Variants in PPP1R17 observed in about 807,000 individuals in gnomAD.
PPP1R17 encodes G-substrate.
PPP1R17 carries 12 observed loss-of-function variants against 15.9 expected under a neutral mutation model. That is an observed-to-expected ratio of 0.75 (90% CI 0.48 to 1.22). The LOEUF is 1.22. PPP1R17 is among the 50% of genes most tolerant of loss of function. The pLI, the probability that PPP1R17 is intolerant of heterozygous loss-of-function variation, is 0.00. For synonymous variants in PPP1R17, 63 were observed against 64.5 expected, an observed-to-expected ratio of 0.98 and a Z score of 0.11; for missense variants, 211 against 187.3, an observed-to-expected ratio of 1.13 and a Z score of -0.74.
chr7:31,699,316 G>A (rs1792744324), intron 4 of PPP1R17, among the ~76,000 whole-genome samples: 1 of 152,152 alleles, frequency 6.6e-6, no homozygotes, highest in South Asian at 2.1e-4. Flanking sequence ...GGGACATGAA[G>A]GGTAATGCTG....
intron 2 of PPP1R17, among the ~76,000 whole-genome samples, chr7:31,695,252 T>C (rs989470694): frequency 3.9e-5 from 6 of 152,192 alleles, no homozygotes; most frequent in Non-Finnish European, 8.8e-5. Context: ...TTCCTTAATT[T>C]GGAGTTTTAC....
chr7:31,690,515 C>A lies in PPP1R17; in HGVS notation c.-36-1891C>A, dbSNP rs776523667. Among the ~76,000 whole-genome samples the A allele has an allele frequency of 7.8e-4, 119 of 152,160 alleles. 1 individual carries two copies. Among genetic ancestry groups the A allele is most frequent in the Non-Finnish European group, 5.4e-4 (37 of 68,028 alleles). On this transcript the variant is annotated intron_variant, in intron 1 of 4. Transcript: ENST00000342032. ...GTGTGGAGAGGGGGCAAAAATGATTCTATTACATTGGGCCCCATTTACTCT... is the reference window on the plus strand; with the variant it reads ...GTGTGGAGAGGGGGCAAAAATGATTATATTACATTGGGCCCCATTTACTCT...
intron 4 of PPP1R17, among the ~76,000 whole-genome samples, chr7:31,704,025 A>G (rs1792964826): frequency 6.6e-6 from 1 of 152,234 alleles, no homozygotes; most frequent in Non-Finnish European, 1.5e-5. Flanking sequence ...CTTAAGAGTG[A>G]AAAGAAGTCT....
chr7:31,693,312 C>T (rs1028378841), intron 2 of PPP1R17, among the ~76,000 whole-genome samples: 4 of 152,186 alleles, frequency 2.6e-5, no homozygotes, highest in Non-Finnish European at 4.4e-5. Flanking sequence ...AAGAGACCCA[C>T]AGCAGGCAGT....
intron 3 of PPP1R17, chr7:31,696,209 G>C: frequency 6.6e-6 from 1 of 152,202 alleles, no homozygotes. Context: ...GTTTTGCCTT[G>C]TTTTGCTTTC....
chr7:31,693,743 C>T (rs1188178436), intron 2 of PPP1R17, among the ~76,000 whole-genome samples: 1 of 152,216 alleles, frequency 6.6e-6, no homozygotes, highest in Non-Finnish European at 1.5e-5. Context: ...TAATCCTCAA[C>T]ATTTTAAGGA....
intron 4 of PPP1R17, among the ~76,000 whole-genome samples, chr7:31,706,540 C>T (rs529080896): frequency 6.6e-6 from 1 of 152,272 alleles, no homozygotes; most frequent in South Asian, 2.1e-4. Context: ...TCTCATTTTG[C>T]TCTGAACCAT....
intron 3 of PPP1R17, among the ~76,000 whole-genome samples, chr7:31,696,249 A>G (rs771284148): frequency 2.0e-5 from 3 of 152,114 alleles, no homozygotes; most frequent in African/African-American, 4.8e-5. Flanking sequence ...TCACTAATTT[A>G]CTGTCATCTC....
At chr7:31,701,802 T>A (rs1466703066) in intron 4 of PPP1R17, among the ~76,000 whole-genome samples, 1 of 152,242 alleles carries the variant, frequency 6.6e-6, no homozygotes, top group African/African-American at 2.4e-5. Context: ...CATTAGCAAT[T>A]TTTAGCAATA....
chr7:31,689,910 C>A (rs1460353359), intron 1 of PPP1R17, among the ~76,000 whole-genome samples: 2 of 152,330 alleles, frequency 1.3e-5, no homozygotes, highest in East Asian at 1.9e-4. Flanking sequence ...AACAGTCTTG[C>A]TGGTTCACCA....
chr7:31,690,089 C>T (rs1350460948), intron 1 of PPP1R17, among the ~76,000 whole-genome samples: 2 of 152,194 alleles, frequency 1.3e-5, no homozygotes, highest in Non-Finnish European at 2.9e-5. Flanking sequence ...CGGCCAGAGA[C>T]AGGCTTTCTT....
intron 3 of PPP1R17, chr7:31,695,904 G>A (rs79953212): frequency 0.011 from 2,492 of 236,998 alleles, 77 homozygotes; most frequent in African/African-American, 0.052. Flanking sequence ...TCAGGGACCC[G>A]GTCTCATGTG....
In PPP1R17 at chr7:31,707,971, A is replaced by G. The variant is rs905166958; in HGVS notation, c.*688A>G. ...TTCAAATTTATTTTTGTTTTTAAAA[A>G]TATTTCTTAAACATGCTGTCCCAAC... On this transcript the variant is annotated 3_prime_UTR_variant, in exon 5 of 5. Coordinates refer to ENST00000342032, the MANE Select transcript of PPP1R17 (RefSeq NM_006658.5). 9 of 152,234 alleles carry G rather than the reference A, an allele frequency of 5.9e-5. No homozygotes were observed. The highest frequency in any genetic ancestry group is 8.8e-5 in the Non-Finnish European group (6 of 68,052). 9.4% of individuals were successfully genotyped at this position (152,234 alleles called of 1,614,324 possible). A position where few individuals can be genotyped will look rare whatever the true frequency, so the allele number is the denominator to read the frequency against.
rs144020989 is a variant in PPP1R17, at chr7:31,707,253, C to A, written c.438C>A (p.Asp146Glu). 2.0e-5 allele frequency: 32 copies of A among 1,613,766 alleles called. No individual in the cohort carries two copies. The African/African-American group carries it at 3.3e-4, about 17-fold the overall frequency. Residue 146 changes from aspartate to glutamate, a missense_variant, in exon 5 of 5, where the codon GAC becomes GAA. Transcript: ENST00000342032. ...DERPKAIVED[D>E]EKDGDKIAI ...GACCCAAAGCAATCGTGGAAGATGA[C>A]GAAAAGGATGGTGACAAGATAGCTA...
rs116770590 is a variant in PPP1R17 at position 31,693,579 on chromosome 7, T to C, written c.82+1056T>C. ...TGGAGAAAAGAGTATAACACCGTTG[T>C]AGACTTAGCATGAGAACTCAATGAG... is the stretch of plus-strand genomic sequence containing the variant. On this transcript the variant is annotated intron_variant, in intron 2 of 4. Coordinates refer to ENST00000342032, the MANE Select transcript of PPP1R17 (RefSeq NM_006658.5). 4.1e-3 allele frequency among the ~76,000 whole-genome samples: 632 copies of C among 152,332 alleles called. 3 individuals are homozygous for C. Among genetic ancestry groups the C allele is most frequent in the African/African-American group, 0.015 (612 of 41,562 alleles).
intron 1 of PPP1R17, among the ~76,000 whole-genome samples, chr7:31,688,041 T>C (rs1792179353): frequency 6.6e-6 from 1 of 152,122 alleles, no homozygotes; most frequent in African/African-American, 2.4e-5. Context: ...AGAGATGGGA[T>C]AAAGAGATAA....
chr7:31,705,986 A>ATTTTTTTTTTTTTTTTTTTTT (rs550189867), intron 4 of PPP1R17, among the ~76,000 whole-genome samples: 5 of 52,512 alleles, frequency 9.5e-5, no homozygotes, highest in African/African-American at 3.0e-4. Flanking sequence ...CAGACCAGTA[A>ATTTTTTTTTTTTTTTTTTTTT]TTTTTTTTTT....
chr7:31,696,629 T>A (rs2128241772), intron 3 of PPP1R17, among the ~76,000 whole-genome samples: 1 of 152,300 alleles, frequency 6.6e-6, no homozygotes, highest in East Asian at 1.9e-4. Context: ...AAACTTGGGC[T>A]CAACTGCTCT....
At chr7:31,694,380 T>TCAAACACACACACACA (rs1250440023) in intron 2 of PPP1R17, among the ~76,000 whole-genome samples, 264 of 109,178 alleles carry the variant, frequency 2.4e-3, no homozygotes, top group African/African-American at 9.7e-3. Context: ...TCTCTCTCTC[T>TCAAACACACACACACA]CTCTCAAACA....
Sources: allele counts gnomAD v4.1 joint callset (sites outside exome capture counted in the v4.1 genomes callset), GRCh38; gene constraint gnomAD v4.1.1; transcripts MANE v1.5; gene names NCBI Gene and HGNC (gene_info 2026-07-23, HGNC 2026-07-21).